The following NKAIN2 variants were observed in gnomAD, a reference collection of about 807,000 sequenced individuals.
NKAIN2 encodes sodium/potassium-transporting ATPase subunit beta-1-interacting protein 2.
A neutral mutation model predicts 32.6 loss-of-function variants in NKAIN2; 14 were observed. The observed-to-expected ratio is 0.43, with a 90% CI of 0.28 to 0.67. NKAIN2 has a LOEUF of 0.67. Among genes scored for constraint, NKAIN2 ranks in the 30% least tolerant of loss-of-function variants. The probability of loss-of-function intolerance (pLI) is 0.17; values close to 1 mark genes in which losing one functional copy is unlikely to be tolerated. For missense variants in NKAIN2, 198 were observed against 258.3 expected, an observed-to-expected ratio of 0.77 and a Z score of 1.60; for synonymous variants, 80 against 87.2, an observed-to-expected ratio of 0.92 and a Z score of 0.46.
chr6:124,226,921 C>A (rs758211022), intron 1 of NKAIN2, among the ~76,000 whole-genome samples: 30 of 152,010 alleles, frequency 2.0e-4, no homozygotes, highest in African/African-American at 7.0e-4. Context: ...TAACAGATTT[C>A]TTTGAATTCT....
intron 1 of NKAIN2, among the ~76,000 whole-genome samples, chr6:123,872,600 A>C (rs995307313): frequency 6.6e-6 from 1 of 152,248 alleles, no homozygotes; most frequent in Non-Finnish European, 1.5e-5. Context: ...AATTTGCTAC[A>C]TTATTTTATA....
chr6:124,096,732 C>A (rs1365179977), intron 1 of NKAIN2, among the ~76,000 whole-genome samples: 1 of 151,764 alleles, frequency 6.6e-6, no homozygotes, highest in African/African-American at 2.4e-5. Context: ...GTGGCGGATG[C>A]CTGTAGTCCC....
rs73561042 is a variant in NKAIN2 at position 124,028,758 on chromosome 6, A to T, written c.54+224504A>T. ...ACACGTATATATGTGTATATATACA[A>T]GTATATAAGTGTATATACATATATA... On this transcript the variant is annotated intron_variant, in intron 1 of 6. Coordinates refer to ENST00000368417, the MANE Select transcript of NKAIN2 (RefSeq NM_001040214.3). Among the ~76,000 whole-genome samples, 20 of 141,524 alleles carry T rather than the reference A, an allele frequency of 1.4e-4. No homozygotes were observed. The East Asian group carries it at 3.2e-3, about 23-fold the overall frequency. The allele number at this position is 141,524 out of a possible 152,430, so 92.8% of individuals were successfully genotyped here.
intron 1 of NKAIN2, among the ~76,000 whole-genome samples, chr6:123,879,666 A>C (rs1391173144): frequency 6.6e-6 from 1 of 152,172 alleles, no homozygotes; most frequent in East Asian, 1.9e-4. Context: ...GAGAGCCCCC[A>C]GCTAAATTGG....
In NKAIN2 at chr6:123,897,250, C is replaced by T. The variant is rs1400465692; in HGVS notation, c.54+92996C>T. On this transcript the variant is annotated intron_variant, in intron 1 of 6. Coordinates refer to ENST00000368417, the MANE Select transcript of NKAIN2 (RefSeq NM_001040214.3). ...ATCCATACTGCTTTGCACAGTAGTA[C>T]TCATAACCCCTCATGACCTGGTCTC... is the stretch of plus-strand genomic sequence containing the variant. Among the ~76,000 whole-genome samples, 10 of 152,220 alleles carry T rather than the reference C, an allele frequency of 6.6e-5. No homozygotes were observed. The East Asian group carries it at 1.9e-3, about 30-fold the overall frequency.
At chr6:124,710,700 C>A (rs909705483) in intron 4 of NKAIN2, among the ~76,000 whole-genome samples, 2 of 148,480 alleles carry the variant, frequency 1.3e-5, no homozygotes, top group Admixed American at 1.3e-4. Flanking sequence ...TTCCTCCATC[C>A]TTTTATTTTG....
intron 3 of NKAIN2, among the ~76,000 whole-genome samples, chr6:124,449,953 C>G (rs1776035256): frequency 6.6e-6 from 1 of 152,030 alleles, no homozygotes; most frequent in South Asian, 2.1e-4. Context: ...TTGTCCAGGA[C>G]AGCCAAAGAA....
chr6:123,835,111 C>T (rs1774560629), intron 1 of NKAIN2, among the ~76,000 whole-genome samples: 1 of 152,192 alleles, frequency 6.6e-6, no homozygotes, highest in Non-Finnish European at 1.5e-5. Context: ...CTTCTATCCT[C>T]ATTTTAGCTG....
intron 1 of NKAIN2, among the ~76,000 whole-genome samples, chr6:124,270,298 A>T (rs906406465): frequency 1.8e-4 from 28 of 152,228 alleles, no homozygotes; most frequent in Non-Finnish European, 8.8e-5. Context: ...GATTCATAAA[A>T]TAAAAATGCA....
At chr6:124,097,642 G>C (rs552801650) in intron 1 of NKAIN2, among the ~76,000 whole-genome samples, 1 of 152,180 alleles carries the variant, frequency 6.6e-6, no homozygotes, top group South Asian at 2.1e-4. Context: ...GTGGAAAGTC[G>C]TGCTATAATA....
At chr6:123,883,367 G>C (rs1227598500) in intron 1 of NKAIN2, among the ~76,000 whole-genome samples, 2 of 152,114 alleles carry the variant, frequency 1.3e-5, no homozygotes, top group African/African-American at 2.4e-5. Flanking sequence ...GGATGGTCTC[G>C]ATCTCCTGAC....
chr6:124,167,612 T>C (rs1024135367), intron 1 of NKAIN2, among the ~76,000 whole-genome samples: 8 of 152,188 alleles, frequency 5.3e-5, no homozygotes, highest in South Asian at 2.1e-4. Flanking sequence ...TCAAAGGGAA[T>C]GCTTCCAGTT....
chr6:124,641,746 G>T (rs1474551018), intron 3 of NKAIN2, among the ~76,000 whole-genome samples: 3 of 151,596 alleles, frequency 2.0e-5, no homozygotes, highest in Non-Finnish European at 4.4e-5. Flanking sequence ...TTTTAGTAGA[G>T]ATGGGATTTC....
At chr6:124,712,480 C>T (rs554535126) in intron 4 of NKAIN2, among the ~76,000 whole-genome samples, 4 of 114,700 alleles carry the variant, frequency 3.5e-5, no homozygotes, top group Non-Finnish European at 7.4e-5. Context: ...ACTCCGTGGG[C>T]GTAGGACCCT....
intron 4 of NKAIN2, among the ~76,000 whole-genome samples, chr6:124,772,880 G>T (rs1298428891): frequency 6.6e-6 from 1 of 152,132 alleles, no homozygotes; most frequent in Non-Finnish European, 1.5e-5. Flanking sequence ...TTTACTCTGG[G>T]TAATGGGTAC....
intron 1 of NKAIN2, among the ~76,000 whole-genome samples, chr6:123,938,396 TTATATATATA>T (rs71021471): frequency 0.012 from 629 of 53,414 alleles, 3 homozygotes; most frequent in Non-Finnish European, 0.013. Context: ...TTTGCAAGGG[TTATATATATA>T]TATATATATA....
At chr6:124,415,421 A>C (rs1015878805) in intron 3 of NKAIN2, among the ~76,000 whole-genome samples, 6 of 152,218 alleles carry the variant, frequency 3.9e-5, no homozygotes, top group African/African-American at 1.4e-4. Flanking sequence ...TGGGGGATGG[A>C]GTGTGGAGCT....
chr6:124,658,563 G>A lies in NKAIN2; in HGVS notation c.474+177G>A, dbSNP rs1583596270. 5 of 1,426,822 alleles carry A rather than the reference G, an allele frequency of 3.5e-6. No homozygotes were observed. In the East Asian group the frequency reaches 1.3e-4, roughly 36 times the overall value. The allele number at this position is 1,426,822 out of a possible 1,614,324, so 88.4% of individuals were successfully genotyped here. Reference sequence around the variant, plus strand: ...TAAACTAAACCATCCTCTGGACTTAGTGTGCTGATTTTCTTCGACAATTAG... The same window carrying A: ...TAAACTAAACCATCCTCTGGACTTAATGTGCTGATTTTCTTCGACAATTAG... On this transcript the variant is annotated intron_variant, in intron 4 of 6. Transcript: ENST00000368417.
intron 1 of NKAIN2, among the ~76,000 whole-genome samples, chr6:124,120,465 TA>T (rs1436618041): frequency 3.3e-5 from 5 of 152,178 alleles, no homozygotes; most frequent in African/African-American, 1.2e-4. Flanking sequence ...TTAGCTAGGT[TA>T]TTTTATTTAA....
Sources: gnomAD v4.1 joint callset for allele counts (sites outside exome capture counted in the v4.1 genomes callset) on GRCh38, gnomAD v4.1.1 for gene constraint, MANE v1.5 for transcripts, NCBI Gene and HGNC (gene_info 2026-07-23, HGNC 2026-07-21) for gene names.